CTXN2: variants seen among roughly 807,000 people sequenced by gnomAD.
The protein encoded by CTXN2 is cortexin-2.
In CTXN2, 3 loss-of-function variants were observed where a neutral mutation model predicts 5.7. That is an observed-to-expected ratio of 0.53 (90% CI 0.24 to 1.36). The LOEUF is 1.36. CTXN2 is among the 40% of genes most tolerant of loss of function. CTXN2 has a pLI of 0.17. For missense variants in CTXN2, 87 were observed against 93.0 expected, an observed-to-expected ratio of 0.94 and a Z score of 0.26; for synonymous variants, 38 against 36.4, an observed-to-expected ratio of 1.04 and a Z score of -0.16.
At chr15:48,178,613 A>G (rs946625321) in intron 1 of CTXN2, 1 of 216,056 alleles carries the variant, frequency 4.6e-6, no homozygotes, top group Non-Finnish European at 9.0e-6. Flanking sequence ...TAGACATCAA[A>G]GCCCTAACAC....
At chr15:48,200,614 G>T (rs1340594502) in intron 1 of CTXN2, among the ~76,000 whole-genome samples, 1 of 152,154 alleles carries the variant, frequency 6.6e-6, no homozygotes, top group African/African-American at 2.4e-5. Flanking sequence ...CTTGCAAGCT[G>T]CTCTGTTGGG....
Position 48,203,442 on chromosome 15 carries a change from G to A in CTXN2, c.*1896G>A, listed in dbSNP as rs2040943391. 2 of 166,958 alleles carry A rather than the reference G, an allele frequency of 1.2e-5. No homozygotes were observed. The highest frequency in any genetic ancestry group is 6.6e-5 in the Admixed American group (1 of 15,254). 10.3% of individuals were successfully genotyped at this position (166,958 alleles called of 1,614,324 possible). On this transcript the variant is annotated 3_prime_UTR_variant, in exon 2 of 2. Transcript: ENST00000417307. Reference sequence around the variant, plus strand: ...TAACTTGGCCCAAGAACAGGCCACTGGGCCAAGTTCAACTGAACATACTGA... The same window carrying A: ...TAACTTGGCCCAAGAACAGGCCACTAGGCCAAGTTCAACTGAACATACTGA...
chr15:48,184,249 G>A (rs960181645), intron 1 of CTXN2, among the ~76,000 whole-genome samples: 4 of 152,088 alleles, frequency 2.6e-5, no homozygotes, highest in African/African-American at 7.2e-5. Context: ...CCAGATAAAC[G>A]TTCATTCAGT....
chr15:48,183,296 T>G (rs1190472356), intron 1 of CTXN2, among the ~76,000 whole-genome samples: 1 of 152,136 alleles, frequency 6.6e-6, no homozygotes, highest in African/African-American at 2.4e-5. Context: ...AATGTGTAAA[T>G]TATAGATAGA....
At chr15:48,193,724 G>A (rs1485848785) in intron 1 of CTXN2, among the ~76,000 whole-genome samples, 1 of 151,958 alleles carries the variant, frequency 6.6e-6, no homozygotes, top group Non-Finnish European at 1.5e-5. Flanking sequence ...TATAACTGGG[G>A]ACTTTTGTTT....
intron 1 of CTXN2, 48 bp downstream of exon 1, chr15:48,191,901 A>G (rs1387377619): frequency 4.5e-6 from 2 of 446,928 alleles, no homozygotes; most frequent in African/African-American, 2.0e-5. Context: ...TTCCCTCCGC[A>G]TTAACTGACA....
chr15:48,190,409 A>G (rs1299168983), upstream of CTXN2, among the ~76,000 whole-genome samples: 2 of 152,216 alleles, frequency 1.3e-5, no homozygotes, highest in East Asian at 3.8e-4. Flanking sequence ...TAGTTCACCT[A>G]CATTTTAGGA....
chr15:48,195,943 G>T (rs1194580236), intron 1 of CTXN2, among the ~76,000 whole-genome samples: 1 of 151,942 alleles, frequency 6.6e-6, no homozygotes, highest in African/African-American at 2.4e-5. Flanking sequence ...CTTACTAGTT[G>T]GAATCCCTTT....
At chr15:48,196,888 T>A (rs1328744259) in intron 1 of CTXN2, among the ~76,000 whole-genome samples, 2 of 152,052 alleles carry the variant, frequency 1.3e-5, no homozygotes, top group Non-Finnish European at 2.9e-5. Context: ...TTTTTCATGG[T>A]CTGTAATTTC....
At chr15:48,194,935 T>C (rs941166647) in intron 1 of CTXN2, among the ~76,000 whole-genome samples, 1 of 152,164 alleles carries the variant, frequency 6.6e-6, no homozygotes, top group African/African-American at 2.4e-5. Context: ...TGTACTGGGC[T>C]CTCTCCATCC....
At chr15:48,186,032 T>C (rs2040750486) in intron 1 of CTXN2, among the ~76,000 whole-genome samples, 1 of 152,214 alleles carries the variant, frequency 6.6e-6, no homozygotes, top group Admixed American at 6.5e-5. Flanking sequence ...CTTGTTTCTC[T>C]ATCTTTAGCA....
chr15:48,201,395 C>T lies in CTXN2; in HGVS notation c.95C>T (p.Ala32Val). The change falls in exon 2 of 2, where the codon GCT (alanine) becomes GTT (valine). Residue 32 changes from alanine (A) to valine (V), a missense_variant. By Grantham distance (64) the Ala-to-Val change is moderately conservative. Transcript: ENST00000417307. ...SLTLEQKTGFAFVGILCIFLG... is the reference protein window; with the variant it reads ...SLTLEQKTGFVFVGILCIFLG... The stretch of plus-strand genomic sequence containing the variant: ...ACTCTGGAGCAAAAAACTGGCTTTG[C>T]TTTTGTTGGGATTTTGTGTATCTTC... 1.9e-6 allele frequency: 3 copies of T among 1,551,360 alleles called. No individual in the cohort carries two copies. The highest frequency in any genetic ancestry group is 1.4e-5 in the African/African-American group (1 of 73,124).
At chr15:48,189,195 C>T (rs1432313513), upstream of CTXN2, 1 of 152,154 alleles carries the variant, frequency 6.6e-6, no homozygotes, top group Non-Finnish European at 1.5e-5. Context: ...GGCATCAATT[C>T]AGAAGCATTA....
chr15:48,198,475 T>C (rs573236126), intron 1 of CTXN2, among the ~76,000 whole-genome samples: 2 of 152,148 alleles, frequency 1.3e-5, no homozygotes, highest in Non-Finnish European at 2.9e-5. Context: ...TTATTTTCCA[T>C]TTAAAAATGA....
chr15:48,195,017 T>G (rs551718882), intron 1 of CTXN2, among the ~76,000 whole-genome samples: 68 of 152,296 alleles, frequency 4.5e-4, no homozygotes, highest in Middle Eastern at 3.4e-3. Context: ...AAAAATTTTA[T>G]GCTAGACAAA....
At chr15:48,190,597 C>T (rs899127904), upstream of CTXN2, among the ~76,000 whole-genome samples, 39 of 151,830 alleles carry the variant, frequency 2.6e-4, no homozygotes, top group African/African-American at 7.3e-4. Flanking sequence ...AGTTACATTA[C>T]GTTTTCAAAG....
intron 1 of CTXN2, among the ~76,000 whole-genome samples, chr15:48,198,007 T>G (rs1326585873): frequency 6.6e-6 from 1 of 152,098 alleles, no homozygotes; most frequent in African/African-American, 2.4e-5. Flanking sequence ...TCACTACAGT[T>G]GAATACAAAA....
chr15:48,189,772 A>G (rs2040796413), upstream of CTXN2, among the ~76,000 whole-genome samples: 1 of 152,198 alleles, frequency 6.6e-6, no homozygotes, highest in Non-Finnish European at 1.5e-5. Context: ...CTGCATTGCC[A>G]GAATTCAATA....
chr15:48,187,982 T>A (rs573608884), upstream of CTXN2, among the ~76,000 whole-genome samples: 18 of 152,290 alleles, frequency 1.2e-4, no homozygotes, highest in South Asian at 3.7e-3. Context: ...TAGATTTTTA[T>A]CTTCATAGCT....
Sources: gnomAD v4.1 joint callset for allele counts (sites outside exome capture counted in the v4.1 genomes callset) on GRCh38, gnomAD v4.1.1 for gene constraint, MANE v1.5 for transcripts, NCBI Gene and HGNC (gene_info 2026-07-23, HGNC 2026-07-21) for gene names.